ACSS3: variants seen among roughly 807,000 people sequenced by gnomAD.
ACSS3 encodes the protein acyl-CoA synthetase short chain family member 3.
A neutral mutation model predicts 84.2 loss-of-function variants in ACSS3; 64 were observed. The observed-to-expected ratio is 0.76, with a 90% CI of 0.62 to 0.94. The LOEUF (loss-of-function observed/expected upper bound fraction) is 0.94. ACSS3 is among the 40% of genes least tolerant of loss of function. The pLI is 0.00. For synonymous variants in ACSS3, 317 were observed against 310.1 expected, an observed-to-expected ratio of 1.02 and a Z score of -0.23; for missense variants, 815 against 867.6, an observed-to-expected ratio of 0.94 and a Z score of 0.76.
At chr12:81,083,846 G>A (rs759738277) in intron 1 of ACSS3, among the ~76,000 whole-genome samples, 1 of 151,948 alleles carries the variant, frequency 6.6e-6, no homozygotes, top group Non-Finnish European at 1.5e-5. Context: ...GGCACACACC[G>A]GTAATCCTAG....
At chr12:81,140,950 A>T (rs533854266) in intron 4 of ACSS3, among the ~76,000 whole-genome samples, 4 of 152,212 alleles carry the variant, frequency 2.6e-5, no homozygotes, top group Admixed American at 2.0e-4. Flanking sequence ...CAAACAAATG[A>T]AATACATGCT....
chr12:81,183,629 A>G (rs1439284840), intron 8 of ACSS3, among the ~76,000 whole-genome samples: 1 of 152,100 alleles, frequency 6.6e-6, no homozygotes, highest in Non-Finnish European at 1.5e-5. Context: ...AATGCCATCC[A>G]TAAGAGAGCA....
chr12:81,078,649 C>G (rs774466242), intron 1 of ACSS3, among the ~76,000 whole-genome samples: 2 of 152,082 alleles, frequency 1.3e-5, no homozygotes, highest in African/African-American at 2.4e-5. Flanking sequence ...ACCCAGTGTC[C>G]CATAAACGGG....
chr12:81,219,323 T>A lies in ACSS3; in HGVS notation c.1451-690T>A, dbSNP rs186632727. ...AAGAAGGGAACAATTAATTTTTTTC[T>A]GAGAGCAACAACCTTCTTTTCTCAT... is the stretch of plus-strand genomic sequence containing the variant. On this transcript the variant is annotated intron_variant, in intron 10 of 15. Coordinates refer to ENST00000548058, the MANE Select transcript of ACSS3 (RefSeq NM_024560.4). 1.6e-4 allele frequency among the ~76,000 whole-genome samples: 25 copies of A among 152,260 alleles called. No homozygotes were observed. In the East Asian group the frequency reaches 4.4e-3, roughly 27 times the overall value.
At chr12:81,117,317 T>G (rs1196322425) in intron 2 of ACSS3, among the ~76,000 whole-genome samples, 5 of 152,156 alleles carry the variant, frequency 3.3e-5, no homozygotes, top group Non-Finnish European at 7.4e-5. Flanking sequence ...GTTGGGAATA[T>G]GTACTATGAA....
intron 1 of ACSS3, among the ~76,000 whole-genome samples, chr12:81,100,373 G>A (rs978594011): frequency 2.0e-4 from 30 of 152,080 alleles, no homozygotes; most frequent in Admixed American, 1.4e-3. Flanking sequence ...TTTACAGATC[G>A]CTTTGGGGAG....
chr12:81,114,802 A>G lies in ACSS3; in HGVS notation c.456+5098A>G, dbSNP rs192253726. On this transcript the variant is annotated intron_variant, in intron 2 of 15. Transcript: ENST00000548058. ...ATATAATATATATTCAGATAGGAGA[A>G]CAGATCACAAGAATAAATTTTGTTA... Among the ~76,000 whole-genome samples the G allele has an allele frequency of 9.1e-4, 138 of 152,254 alleles. 1 individual carries two copies. The highest frequency in any genetic ancestry group is 1.6e-3 in the Non-Finnish European group (111 of 68,016).
intron 1 of ACSS3, among the ~76,000 whole-genome samples, chr12:81,100,071 G>A (rs73357237): frequency 0.011 from 1,628 of 152,272 alleles, 33 homozygotes; most frequent in African/African-American, 0.037. Context: ...GAAAGACAGC[G>A]AAGACTCAGG....
chr12:81,235,749 T>A (rs527835798), intron 13 of ACSS3, among the ~76,000 whole-genome samples: 8 of 151,596 alleles, frequency 5.3e-5, no homozygotes, highest in African/African-American at 1.7e-4. Context: ...ATACATTTTT[T>A]AAAAACTTTG....
intron 2 of ACSS3, among the ~76,000 whole-genome samples, chr12:81,118,613 A>C (rs141430720): frequency 1.1e-3 from 167 of 152,306 alleles, no homozygotes; most frequent in African/African-American, 3.8e-3. Flanking sequence ...GGCAAAATAA[A>C]TATCAGATCT....
chr12:81,233,581 A>G (rs1474191306), intron 13 of ACSS3, 110 bp downstream of exon 13: 4 of 1,379,524 alleles, frequency 2.9e-6, no homozygotes, highest in Non-Finnish European at 4.0e-6. Flanking sequence ...CTTCATTTGC[A>G]GCAGAGGCTA....
intron 7 of ACSS3, among the ~76,000 whole-genome samples, chr12:81,170,001 C>CA (rs973405986): frequency 6.6e-5 from 10 of 151,820 alleles, no homozygotes; most frequent in South Asian, 2.1e-4. Flanking sequence ...AATCCTGCCA[C>CA]AAAAAAAGAG....
At chr12:81,231,016 C>A in intron 11 of ACSS3, 41 bp from the exon 12 acceptor site, 1 of 1,445,372 alleles carries the variant, frequency 6.9e-7, no homozygotes, top group African/African-American at 1.4e-5. Context: ...GTCTTTATTA[C>A]CACTTTCATC....
rs559178082 is a variant in ACSS3, at chr12:81,136,215, TA to T, written c.645+1217del. ...CACTGTCTGGCATATAGTACACATTTAAAAAATGTTAACTATTATTAATCTA... is the reference window on the plus strand; with the variant it reads ...CACTGTCTGGCATATAGTACACATTTAAAAATGTTAACTATTATTAATCTA... On this transcript the variant is annotated intron_variant, in intron 3 of 15. Coordinates refer to ENST00000548058, the MANE Select transcript of ACSS3 (RefSeq NM_024560.4). Among the ~76,000 whole-genome samples, 166 of 152,296 alleles carry T rather than the reference TA, an allele frequency of 1.1e-3. 1 individual carries two copies. Among genetic ancestry groups the T allele is most frequent in the African/African-American group, 3.8e-3 (160 of 41,566 alleles).
intron 1 of ACSS3, among the ~76,000 whole-genome samples, chr12:81,106,838 A>C (rs2121483799): frequency 6.6e-6 from 1 of 152,254 alleles, no homozygotes; most frequent in African/African-American, 2.4e-5. Flanking sequence ...AGAGACAATA[A>C]AGGCTCTATA....
chr12:81,242,427 G>A (rs913623395), intron 13 of ACSS3, among the ~76,000 whole-genome samples: 2 of 150,932 alleles, frequency 1.3e-5, no homozygotes, highest in East Asian at 2.0e-4. Flanking sequence ...TCTACCAGAG[G>A]TACAAGGAGG....
At chr12:81,098,264 GC>G (rs1284807265) in intron 1 of ACSS3, among the ~76,000 whole-genome samples, 2 of 151,750 alleles carry the variant, frequency 1.3e-5, no homozygotes, top group Non-Finnish European at 2.9e-5. Context: ...GGCTCCAGCC[GC>G]CCACAACCCT....
intron 13 of ACSS3, among the ~76,000 whole-genome samples, chr12:81,241,424 A>G (rs1376932113): frequency 1.3e-5 from 2 of 152,104 alleles, no homozygotes; most frequent in Non-Finnish European, 2.9e-5. Context: ...GACTTCCACA[A>G]TGGTTGAACT....
At chr12:81,175,947 A>C (rs2030441296) in intron 8 of ACSS3, among the ~76,000 whole-genome samples, 1 of 152,182 alleles carries the variant, frequency 6.6e-6, no homozygotes, top group East Asian at 1.9e-4. Flanking sequence ...GAGGAACTAG[A>C]AAAACCAGAG....
Sources: allele counts gnomAD v4.1 joint callset (sites outside exome capture counted in the v4.1 genomes callset), GRCh38; gene constraint gnomAD v4.1.1; transcripts MANE v1.5; gene names NCBI Gene and HGNC (gene_info 2026-07-23, HGNC 2026-07-21).